The following AP3B2 variants were observed in gnomAD, a reference collection of about 807,000 sequenced individuals.
The protein encoded by AP3B2 is AP-3 complex subunit beta-2.
In AP3B2, 50 loss-of-function variants were observed where a neutral mutation model predicts 126.9. The ratio of observed to expected loss-of-function variants is 0.39; its 90% CI spans 0.31 to 0.50. The LOEUF is 0.50. Ranked by LOEUF, AP3B2 falls within the 20% of genes least tolerant of loss-of-function variation. The pLI, the probability that AP3B2 is intolerant of heterozygous loss-of-function variation, is 0.79. For synonymous variants in AP3B2, 541 were observed against 565.0 expected, an observed-to-expected ratio of 0.96 and a Z score of 0.60; for missense variants, 1,177 against 1,426.4, an observed-to-expected ratio of 0.83 and a Z score of 2.82.
At position 82,681,198 on chromosome 15, in the gene AP3B2, G is replaced by A. The variant is rs757874241; in HGVS notation, c.522-20C>T. ...TCCAAACTGAGGGAGAAATCGGTGA[G>A]GGGAATTTGCCACTCTCAGCCCCAG... is the stretch of plus-strand genomic sequence containing the variant. On this transcript the variant is annotated intron_variant, in intron 5 of 26. Transcript: ENST00000535359. The surrounding 1 kb of genome is among the most constrained non-coding windows in gnomAD (Gnocchi z 4.0). 1 of 1,604,674 alleles carries A rather than the reference G, an allele frequency of 6.2e-7. No individual in the cohort carries two copies.
chr15:82,698,990 C>T (rs1371443795), intron 1 of AP3B2, among the ~76,000 whole-genome samples: 1 of 152,168 alleles, frequency 6.6e-6, no homozygotes, highest in Non-Finnish European at 1.5e-5. Context: ...CGCCCTGGGC[C>T]TCTCGTCCTC....
chr15:82,660,004 G>A (rs1255796371), intron 25 of AP3B2, 21 bp from the exon 26 acceptor site: 1 of 1,612,642 alleles, frequency 6.2e-7, no homozygotes, highest in Non-Finnish European at 8.5e-7. Flanking sequence ...AGGTCGTGAT[G>A]AGGGCAGAGG....
At position 82,677,752 on chromosome 15, in the gene AP3B2, T is replaced by C; in HGVS notation, c.1297A>G (p.Ile433Val). Residue 433 changes from isoleucine (I) to valine (V), a missense_variant, in exon 12 of 27, where the codon ATT becomes GTT. Ile to Val is a conservative substitution (Grantham distance 29). Coordinates refer to ENST00000535359, the MANE Select transcript of AP3B2 (RefSeq NM_001278512.2). ...CCGATGTTAGTTGCACAGCGTCCAA[T>C]GGCCTGGATTGTGGCTGCCACAAAG... The part of the protein sequence containing the change: ...KDFVAATIQA[I>V]GRCATNIGRV... 6.2e-7 allele frequency: 1 copy of C among 1,612,616 alleles called. No individual in the cohort carries two copies. Among genetic ancestry groups the C allele is most frequent in the Non-Finnish European group, 8.5e-7 (1 of 1,179,126 alleles).
chr15:82,664,606 GC>G lies in AP3B2; in HGVS notation c.2138-117del, dbSNP rs1567256648. The G allele has an allele frequency of 2.2e-6, 3 of 1,355,788 alleles. No homozygotes were observed. Among genetic ancestry groups the G allele is most frequent in the Non-Finnish European group, 3.0e-6 (3 of 990,918 alleles). The allele number at this position is 1,355,788 out of a possible 1,614,324, so 84.0% of individuals were successfully genotyped here. A position where few individuals can be genotyped will look rare whatever the true frequency, so the allele number is the denominator to read the frequency against. On this transcript the variant is annotated intron_variant, in intron 18 of 26. Coordinates refer to ENST00000535359, the MANE Select transcript of AP3B2 (RefSeq NM_001278512.2). This position sits in a 1 kb window ranked among gnomAD's most constrained non-coding sequence, Gnocchi z 4.5. ...CTGAACCCTCAAACCTCTCTGACCTGCCCCCAGCCCTACATGCCAGCTGGAA... is the reference window on the plus strand; with the variant it reads ...CTGAACCCTCAAACCTCTCTGACCTGCCCCAGCCCTACATGCCAGCTGGAA...
chr15:82,692,253 T>C (rs2048548719), intron 1 of AP3B2: 3 of 935,294 alleles, frequency 3.2e-6, no homozygotes, highest in Admixed American at 2.7e-5. Context: ...ATTCTTAAGC[T>C]TGATCTTGCG....
Position 82,680,251 on chromosome 15 carries a change from G to A in AP3B2, c.1056-22C>T. The A allele has an allele frequency of 6.2e-7, 1 of 1,613,480 alleles. No homozygotes were observed. The highest frequency in any genetic ancestry group is 2.2e-5 in the East Asian group (1 of 44,866). Reference sequence around the variant, plus strand: ...CTCACTGCGGAGAGGACGGGTCAGAGCACCCCGGGCCCCTCGGTTGGGGCA... The same window carrying A: ...CTCACTGCGGAGAGGACGGGTCAGAACACCCCGGGCCCCTCGGTTGGGGCA... On this transcript the variant is annotated intron_variant, in intron 8 of 26. Coordinates refer to ENST00000535359, the MANE Select transcript of AP3B2 (RefSeq NM_001278512.2). The surrounding 1 kb of genome is among the most constrained non-coding windows in gnomAD (Gnocchi z 6.1).
intron 1 of AP3B2, among the ~76,000 whole-genome samples, chr15:82,693,760 G>T (rs1386867803): frequency 6.6e-6 from 1 of 151,982 alleles, no homozygotes; most frequent in East Asian, 1.9e-4. Context: ...GAGTGCAATG[G>T]TGCCATCTCA....
At chr15:82,704,177 C>T (rs899294142) in intron 1 of AP3B2, among the ~76,000 whole-genome samples, 3 of 152,184 alleles carry the variant, frequency 2.0e-5, no homozygotes, top group African/African-American at 4.8e-5. Flanking sequence ...GTTCATGGCT[C>T]GTTGGGCAGC....
Position 82,680,733 on chromosome 15 carries a change from G to C in AP3B2, c.794C>G (p.Ala265Gly), listed in dbSNP as rs1228322034. Residue 265 changes from alanine (A) to glycine (G), a missense_variant, in exon 8 of 27, where the codon GCG (alanine) becomes GGG (glycine). Physicochemically the swap from Ala to Gly is moderately conservative, Grantham distance 60. Coordinates refer to ENST00000535359, the MANE Select transcript of AP3B2 (RefSeq NM_001278512.2). The surrounding 1 kb of genome is among the most constrained non-coding windows in gnomAD (Gnocchi z 6.1). The stretch of plus-strand genomic sequence containing the variant: ...CTCTGAGCCGTAGAAGGCTTTTTCC[G>C]CGTTCTCCTCTAGTAGGGATTCCTG... ...TQNESLLEENAEKAFYGSEED... is the reference protein window; with the variant it reads ...TQNESLLEENGEKAFYGSEED... 20 of 1,567,378 alleles carry C rather than the reference G, an allele frequency of 1.3e-5. No individual in the cohort carries two copies. Among genetic ancestry groups the C allele is most frequent in the Non-Finnish European group, 1.5e-5 (17 of 1,160,194 alleles).
At chr15:82,662,002 C>G in intron 24 of AP3B2, 80 bp from the exon 25 acceptor site, 1 of 1,416,538 alleles carries the variant, frequency 7.1e-7, no homozygotes, top group Non-Finnish European at 9.8e-7. Context: ...AGAGGCACAG[C>G]TTGGAGGCAG....
chr15:82,683,057 T>TG, intron 4 of AP3B2, among the ~76,000 whole-genome samples: 1 of 115,338 alleles, frequency 8.7e-6, no homozygotes, highest in Non-Finnish European at 1.8e-5. Context: ...GTTTTTTTTT[T>TG]TTTTTTTTTT....
chr15:82,709,802 G>C lies in AP3B2; in HGVS notation c.-96C>G, dbSNP rs1192840992. On this transcript the variant is annotated 5_prime_UTR_variant, in exon 1 of 27. Transcript: ENST00000535359. ...AGGCGGGCCGGTCCGGTCCGGGCTG[G>C]CGAAGGCGGCGGCGCGGCAGGGGTT... 2.0e-6 allele frequency: 2 copies of C among 985,728 alleles called. No individual in the cohort carries two copies. The highest frequency in any genetic ancestry group is 2.8e-6 in the Non-Finnish European group (2 of 724,406). The allele number at this position is 985,728 out of a possible 1,614,324, so 61.1% of individuals were successfully genotyped here.
chr15:82,662,404 G>A lies in AP3B2; in HGVS notation c.2834-152C>T, dbSNP rs76094867. On this transcript the variant is annotated intron_variant, in intron 23 of 26. Coordinates refer to ENST00000535359, the MANE Select transcript of AP3B2 (RefSeq NM_001278512.2). ...TTCTTGGCTGCTGGAGACTGTTCCC[G>A]GTTTCCTCCTGAACTCTAAGCACCC... 3.1e-3 allele frequency: 2,110 copies of A among 680,436 alleles called. 39 individuals are homozygous for A. In the African/African-American group the frequency reaches 0.034, roughly 11 times the overall value. The allele number at this position is 680,436 out of a possible 1,614,324, so 42.1% of individuals were successfully genotyped here. A position where few individuals can be genotyped will look rare whatever the true frequency, so the allele number is the denominator to read the frequency against.
Position 82,662,727 on chromosome 15 carries a change from C to G in AP3B2, c.2800G>C (p.Ala934Pro). ...GGAAATTCTTGGATGCTGATGCCAGCAGGCAGTTTGGGAGTGCCCACATGC... is the reference window on the plus strand; with the variant it reads ...GGAAATTCTTGGATGCTGATGCCAGGAGGCAGTTTGGGAGTGCCCACATGC... Reference protein sequence around the residue: ...GLHVGTPKLPAGISIQEFPEI... With the variant: ...GLHVGTPKLPPGISIQEFPEI... The change falls in exon 23 of 27, where the codon GCT becomes CCT. Residue 934 changes from alanine (A) to proline (P), a missense_variant. By Grantham distance (27) the Ala-to-Pro change is conservative. Around this residue, in one of 5 missense-constraint regions of AP3B2, gnomAD observed 587 missense variants for 571.3 expected, o/e 1.03. Coordinates refer to ENST00000535359, the MANE Select transcript of AP3B2 (RefSeq NM_001278512.2). 6.2e-7 allele frequency: 1 copy of G among 1,613,762 alleles called. No homozygotes were observed. The highest frequency in any genetic ancestry group is 1.3e-5 in the African/African-American group (1 of 75,058).
intron 1 of AP3B2, among the ~76,000 whole-genome samples, chr15:82,698,913 A>T (rs2048672398): frequency 1.3e-5 from 2 of 152,134 alleles, no homozygotes; most frequent in Non-Finnish European, 2.9e-5. Context: ...GGTAAGATTG[A>T]CTGTCGAATA....
At chr15:82,662,421 T>C in intron 23 of AP3B2, 169 bp from the exon 24 acceptor site, 1 of 662,806 alleles carries the variant, frequency 1.5e-6, no homozygotes, top group East Asian at 2.7e-5. Context: ...TCCTGAACTC[T>C]AAGCACCCTT....
chr15:82,706,867 C>G (rs1160609341), intron 1 of AP3B2, among the ~76,000 whole-genome samples: 1 of 152,156 alleles, frequency 6.6e-6, no homozygotes, highest in Non-Finnish European at 1.5e-5. Context: ...TCTACTACTC[C>G]TCAGGGATTG....
At chr15:82,709,371 T>C (rs1456178738) in intron 1 of AP3B2, among the ~76,000 whole-genome samples, 10 of 152,036 alleles carry the variant, frequency 6.6e-5, no homozygotes, top group Admixed American at 2.0e-4. Flanking sequence ...CGCCAGCCCC[T>C]ATCTGCCCCC....
Position 82,665,386 on chromosome 15 carries a change from C to CACACACAT in AP3B2, c.1971+70_1971+71insATGTGTGT, listed in dbSNP as rs1381269504. ...CTGTCTGCCCCCACCAACACACACACACACACACACACACACACACACACA... is the reference window on the plus strand; with the variant it reads ...CTGTCTGCCCCCACCAACACACACACACACACATACACACACACACACACACACACACA... On this transcript the variant is annotated intron_variant, in intron 16 of 26. Transcript: ENST00000535359. The surrounding 1 kb of genome is among the most constrained non-coding windows in gnomAD (Gnocchi z 4.4). 17 of 127,646 alleles carry CACACACAT rather than the reference C, an allele frequency of 1.3e-4. No homozygotes were observed. Among genetic ancestry groups the CACACACAT allele is most frequent in the African/African-American group, 1.1e-3 (17 of 15,532 alleles). 7.9% of individuals were successfully genotyped at this position (127,646 alleles called of 1,614,324 possible).
Sources: allele counts gnomAD v4.1 joint callset (sites outside exome capture counted in the v4.1 genomes callset), GRCh38; gene constraint gnomAD v4.1.1; regional missense constraint gnomAD v4.1.1; non-coding constraint Gnocchi (gnomAD v3.1); transcripts MANE v1.5; gene names NCBI Gene and HGNC (gene_info 2026-07-23, HGNC 2026-07-21).